RSRC1: variants seen among roughly 807,000 people sequenced by gnomAD.
RSRC1 encodes arginine and serine rich coiled-coil 1, also known as serine/Arginine-related protein 53.
RSRC1 carries 39 observed loss-of-function variants against 49.1 expected under a neutral mutation model. The ratio of observed to expected loss-of-function variants is 0.79; its 90% confidence interval spans 0.61 to 1.04. RSRC1 has a LOEUF of 1.04. Among genes scored for constraint, RSRC1 ranks in the 50% least tolerant of loss-of-function variants. RSRC1 has a pLI of 0.00. For missense variants in RSRC1, 388 were observed against 402.4 expected (o/e 0.96, Z 0.31); for synonymous variants, 143 against 130.8 (o/e 1.09, Z -0.63).
At chr3:158,152,201 A>G (rs1471532747) in intron 3 of RSRC1, among the ~76,000 whole-genome samples, 1 of 152,066 alleles carries the variant, frequency 6.6e-6, no homozygotes, top group Non-Finnish European at 1.5e-5. Flanking sequence ...AAATAATTGA[A>G]CTTAGCTGAA....
At chr3:158,137,535 T>C (rs1263194439) in intron 3 of RSRC1, among the ~76,000 whole-genome samples, 3 of 152,052 alleles carry the variant, frequency 2.0e-5, no homozygotes, top group African/African-American at 7.2e-5. Flanking sequence ...CTAAAAGGAA[T>C]ATTGTAAAAA....
At chr3:158,514,067 G>C (rs984317640) in intron 7 of RSRC1, among the ~76,000 whole-genome samples, 3 of 152,088 alleles carry the variant, frequency 2.0e-5, no homozygotes, top group South Asian at 2.1e-4. Flanking sequence ...CAGAAAACCA[G>C]CTCCTGGATT....
At chr3:158,142,107 A>G (rs926485974) in intron 3 of RSRC1, among the ~76,000 whole-genome samples, 1 of 152,234 alleles carries the variant, frequency 6.6e-6, no homozygotes, top group African/African-American at 2.4e-5. Flanking sequence ...CAAAAAAGAA[A>G]GAAAGAAAGA....
At chr3:158,206,429 G>A (rs1194108427) in intron 4 of RSRC1, among the ~76,000 whole-genome samples, 2 of 152,040 alleles carry the variant, frequency 1.3e-5, no homozygotes, top group African/African-American at 4.8e-5. Context: ...ACAATTTGAG[G>A]GACTGAAGTC....
At chr3:158,346,809 T>C (rs1730577182) in intron 5 of RSRC1, among the ~76,000 whole-genome samples, 1 of 152,226 alleles carries the variant, frequency 6.6e-6, no homozygotes. Context: ...TATACAAAGA[T>C]GTGTACCTGA....
intron 5 of RSRC1, among the ~76,000 whole-genome samples, chr3:158,316,438 ATTTTTTTT>A (rs564633575): frequency 1.4e-5 from 1 of 72,218 alleles, no homozygotes; most frequent in Non-Finnish European, 2.4e-5. Flanking sequence ...AGAATCTCTC[ATTTTTTTT>A]TTTTTTTTTT....
intron 5 of RSRC1, among the ~76,000 whole-genome samples, chr3:158,327,351 TG>T (rs1682010534): frequency 6.6e-6 from 1 of 152,206 alleles, no homozygotes; most frequent in Non-Finnish European, 1.5e-5. Context: ...TCTTTCCTGC[TG>T]TCTCTTGTGG....
Position 158,329,192 on chromosome 3 carries a change from T to G in RSRC1, c.532-25665T>G, listed in dbSNP as rs536524730. ...TTGCATTGGGATCGAACTTCCTCCT[T>G]TAGCTCTGAGAAGTTTGATCGTCTG... On this transcript the variant is annotated intron_variant, in intron 5 of 9. Transcript: ENST00000611884. Among the ~76,000 whole-genome samples, 7 of 152,354 alleles carry G rather than the reference T, an allele frequency of 4.6e-5. 1 individual carries two copies. In the South Asian group the frequency reaches 1.2e-3, roughly 27 times the overall value.
chr3:158,398,008 C>A (rs1387453580), intron 6 of RSRC1, among the ~76,000 whole-genome samples: 1 of 151,998 alleles, frequency 6.6e-6, no homozygotes, highest in Non-Finnish European at 1.5e-5. Context: ...CGTACTGCGA[C>A]TGGGTGACCC....
chr3:158,134,934 A>G (rs1314355876), intron 3 of RSRC1, among the ~76,000 whole-genome samples: 3 of 152,180 alleles, frequency 2.0e-5, no homozygotes, highest in African/African-American at 7.2e-5. Context: ...TGTGTAAAAC[A>G]TTTGAAATGA....
intron 5 of RSRC1, among the ~76,000 whole-genome samples, chr3:158,338,567 A>C (rs923619903): frequency 6.6e-6 from 1 of 152,228 alleles, no homozygotes; most frequent in Non-Finnish European, 1.5e-5. Context: ...AGTTTTTTAA[A>C]GTTGTGCATC....
intron 7 of RSRC1, among the ~76,000 whole-genome samples, chr3:158,516,005 T>A (rs1740504647): frequency 6.6e-6 from 1 of 151,862 alleles, no homozygotes; most frequent in African/African-American, 2.4e-5. Context: ...TTCTTCTAAA[T>A]TTTTTTCAAA....
intron 4 of RSRC1, among the ~76,000 whole-genome samples, chr3:158,212,496 A>G (rs1721738547): frequency 6.6e-6 from 1 of 151,948 alleles, no homozygotes. Flanking sequence ...TTCATATTTT[A>G]AATACCAATT....
At chr3:158,503,193 C>T (rs574154771) in intron 7 of RSRC1, among the ~76,000 whole-genome samples, 31 of 152,238 alleles carry the variant, frequency 2.0e-4, no homozygotes, top group African/African-American at 7.0e-4. Flanking sequence ...TACCCAGCTC[C>T]GGGGTGGTAC....
chr3:158,120,163 T>C (rs1420820996), intron 1 of RSRC1, among the ~76,000 whole-genome samples: 1 of 152,192 alleles, frequency 6.6e-6, no homozygotes, highest in East Asian at 1.9e-4. Flanking sequence ...GAAAGTGTCG[T>C]GGTAATCTTT....
chr3:158,455,871 T>C (rs551133706), intron 6 of RSRC1, among the ~76,000 whole-genome samples: 10 of 150,426 alleles, frequency 6.6e-5, no homozygotes, highest in Non-Finnish European at 1.3e-4. Flanking sequence ...TCCCAGCTAC[T>C]CGAGAGGCTG....
At position 158,287,568 on chromosome 3, in the gene RSRC1, A is replaced by G. The variant is rs769425255; in HGVS notation, c.495-10471A>G. Among the ~76,000 whole-genome samples the G allele has an allele frequency of 1.9e-3, 293 of 152,322 alleles. 1 individual carries two copies. The highest frequency in any genetic ancestry group is 3.4e-3 in the Non-Finnish European group (233 of 68,022). ...TCAGAAAGAACCTAAATGTCCAAAA[A>G]TAAGGGATAAGTTAGCTTATTGTTC... On this transcript the variant is annotated intron_variant, in intron 4 of 9. Coordinates refer to ENST00000611884, the MANE Select transcript of RSRC1 (RefSeq NM_001271838.2).
At chr3:158,153,161 G>A (rs1180001557) in intron 3 of RSRC1, among the ~76,000 whole-genome samples, 1 of 152,094 alleles carries the variant, frequency 6.6e-6, no homozygotes, top group Non-Finnish European at 1.5e-5. Flanking sequence ...CAAATTCTCA[G>A]TCACATTTGC....
intron 7 of RSRC1, among the ~76,000 whole-genome samples, chr3:158,487,731 C>A (rs1738871142): frequency 6.6e-6 from 1 of 151,940 alleles, no homozygotes; most frequent in East Asian, 1.9e-4. Context: ...GGGCGGATCA[C>A]CTGAGGTCAG....
Sources: allele counts gnomAD v4.1 joint callset (sites outside exome capture counted in the v4.1 genomes callset), GRCh38; gene constraint gnomAD v4.1.1; transcripts MANE v1.5; gene names NCBI Gene and HGNC (gene_info 2026-07-23, HGNC 2026-07-21).